Variants in OPHN1 observed in about 807,000 individuals in gnomAD.
OPHN1 encodes oligophrenin 1, also known as oligophrenin-1.
A neutral mutation model predicts 60.7 loss-of-function variants in OPHN1; 11 were observed. The ratio of observed to expected loss-of-function variants is 0.18; its 90% CI spans 0.11 to 0.30. The LOEUF (loss-of-function observed/expected upper bound fraction) is 0.30, where lower values mean the gene tolerates loss of function less well. Ranked by LOEUF, OPHN1 falls within the 10% of genes least tolerant of loss-of-function variation. The pLI, the probability that OPHN1 is intolerant of heterozygous loss-of-function variation, is 1.00. For synonymous variants in OPHN1, 226 were observed against 222.6 expected (o/e 1.02, Z -0.14); for missense variants, 449 against 611.0 (o/e 0.73, Z 2.80).
At chrX:68,270,989 T>C (rs1234013272) in intron 5 of OPHN1, among the ~76,000 whole-genome samples, 1 of 111,110 alleles carries the variant, frequency 9.0e-6, no homozygotes, top group African/African-American at 3.3e-5. Context: ...TTTTGCAAGA[T>C]TGTTCTGAGG....
intron 23 of OPHN1, among the ~76,000 whole-genome samples, chrX:68,049,634 A>G (rs993840780): frequency 1.8e-5 from 2 of 111,937 alleles, no homozygotes; most frequent in South Asian, 3.8e-4. Context: ...CAACTTGGTC[A>G]GCTCAGAATG....
At chrX:68,275,097 A>C (rs2077986485) in intron 4 of OPHN1, among the ~76,000 whole-genome samples, 1 of 112,308 alleles carries the variant, frequency 8.9e-6, no homozygotes, top group Admixed American at 9.5e-5. Flanking sequence ...CAGAGGACAC[A>C]GGAGACCTGA....
At chrX:68,048,600 AC>A (rs766667888) in intron 23 of OPHN1, 143 bp from the exon 24 acceptor site, 10 of 520,840 alleles carry the variant, frequency 1.9e-5, no homozygotes, top group Middle Eastern at 3.6e-4. Context: ...ATGTTTCAAA[AC>A]ATTTAGCTCC....
At chrX:68,102,949 A>G (rs2077065882) in intron 18 of OPHN1, among the ~76,000 whole-genome samples, 1 of 111,908 alleles carries the variant, frequency 8.9e-6, no homozygotes, top group Non-Finnish European at 1.9e-5. Context: ...CCAGAGGTAC[A>G]AAGAGGAGCT....
intron 3 of OPHN1, among the ~76,000 whole-genome samples, chrX:68,289,666 C>T (rs1249128803): frequency 1.8e-5 from 2 of 111,852 alleles, no homozygotes; most frequent in Non-Finnish European, 3.8e-5. Context: ...GCCATCTCTA[C>T]AAAAGTGAGA....
intron 5 of OPHN1, among the ~76,000 whole-genome samples, chrX:68,242,874 CT>C (rs36050001): frequency 0.062 from 6,480 of 104,490 alleles, 518 homozygotes; most frequent in African/African-American, 0.21. Flanking sequence ...TAAGAAAATT[CT>C]TTTTTTTTTT....
At chrX:68,294,010 A>T (rs1323656202) in intron 3 of OPHN1, among the ~76,000 whole-genome samples, 1 of 111,485 alleles carries the variant, frequency 9.0e-6, no homozygotes, top group East Asian at 2.8e-4. Context: ...AGTCCTTATC[A>T]CATTGTGTTA....
intron 3 of OPHN1, among the ~76,000 whole-genome samples, chrX:68,286,742 G>C (rs2078042683): frequency 8.9e-6 from 1 of 111,798 alleles, no homozygotes; most frequent in Admixed American, 9.5e-5. Flanking sequence ...AGGGGCAGGT[G>C]TGGTGGCTCA....
At chrX:68,086,907 C>T (rs1420356230) in intron 19 of OPHN1, among the ~76,000 whole-genome samples, 1 of 111,937 alleles carries the variant, frequency 8.9e-6, no homozygotes, top group Non-Finnish European at 1.9e-5. Flanking sequence ...TCCAAGGCCA[C>T]CTGATAGTAA....
chrX:68,269,438 T>C (rs2077953760), intron 5 of OPHN1, among the ~76,000 whole-genome samples: 1 of 111,194 alleles, frequency 9.0e-6, no homozygotes, highest in Non-Finnish European at 1.9e-5. Context: ...ATGCCACATA[T>C]ATACAACCAT....
intron 4 of OPHN1, among the ~76,000 whole-genome samples, chrX:68,277,274 CCTATGAGAATCTAATG>C (rs1321824687): frequency 9.0e-6 from 1 of 111,138 alleles, no homozygotes; most frequent in African/African-American, 3.3e-5. Context: ...AGGGTTTGCT[CCTATGAGAATCTAATG>C]CTGCCACTGA....
chrX:68,089,598 G>T, intron 19 of OPHN1, among the ~76,000 whole-genome samples: 1 of 111,353 alleles, frequency 9.0e-6, no homozygotes, highest in South Asian at 3.8e-4. Flanking sequence ...TATTATTACA[G>T]CCCCAGCTAG....
intron 15 of OPHN1, chrX:68,133,202 C>A: frequency 1.3e-6 from 1 of 774,680 alleles, no homozygotes; most frequent in Non-Finnish European, 2.0e-6. Flanking sequence ...CTCCTCAGCA[C>A]TCATAGCACC....
chrX:68,329,114 C>T (rs1019440912), intron 2 of OPHN1, among the ~76,000 whole-genome samples: 13 of 111,697 alleles, frequency 1.2e-4, no homozygotes, highest in African/African-American at 2.3e-4. Context: ...GACGGAGTTT[C>T]GCCATGTTGG....
chrX:68,332,237 T>TC (rs1440904973), intron 2 of OPHN1, among the ~76,000 whole-genome samples: 1 of 110,973 alleles, frequency 9.0e-6, no homozygotes, highest in Non-Finnish European at 1.9e-5. Context: ...GCAGAGAACT[T>TC]TTTTTTTCAT....
chrX:68,241,476 A>T lies in OPHN1; in HGVS notation c.385-6888T>A, dbSNP rs945041627. ...ACAAATTGTAAGAGAACATTTATTG[A>T]CCTACAGGGGTATCCATGATATTAG... On this transcript the variant is annotated intron_variant, in intron 5 of 24. Coordinates refer to ENST00000355520, the MANE Select transcript of OPHN1 (RefSeq NM_002547.3). Among the ~76,000 whole-genome samples the T allele has an allele frequency of 3.6e-5, 4 of 112,115 alleles. No individual in the cohort carries two copies. The Admixed American group carries it at 3.8e-4, about 11-fold the overall frequency.
At chrX:68,313,234 G>A (rs780607589) in intron 2 of OPHN1, among the ~76,000 whole-genome samples, 3 of 111,963 alleles carry the variant, frequency 2.7e-5, no homozygotes, top group Non-Finnish European at 5.6e-5. Flanking sequence ...ATGTAAATTA[G>A]TACAACCACT....
intron 15 of OPHN1, among the ~76,000 whole-genome samples, chrX:68,121,213 T>C (rs1245159224): frequency 8.9e-6 from 1 of 111,920 alleles, no homozygotes; most frequent in African/African-American, 3.2e-5. Context: ...AACCCACGGA[T>C]TGGGTAAAAA....
intron 5 of OPHN1, among the ~76,000 whole-genome samples, chrX:68,236,554 A>G (rs1049742932): frequency 3.6e-5 from 4 of 111,636 alleles, no homozygotes; most frequent in African/African-American, 9.8e-5. Context: ...ATCATTTTCC[A>G]TTCCCCCTTC....
Sources: gnomAD v4.1 joint callset for allele counts (sites outside exome capture counted in the v4.1 genomes callset) on GRCh38, gnomAD v4.1.1 for gene constraint, MANE v1.5 for transcripts, NCBI Gene and HGNC (gene_info 2026-07-23, HGNC 2026-07-21) for gene names.